The following MRTFA variants were observed in gnomAD, a reference collection of about 807,000 sequenced individuals.
The protein encoded by MRTFA is myocardin related transcription factor A, also known as myocardin-related transcription factor A.
A neutral mutation model predicts 83.5 loss-of-function variants in MRTFA; 20 were observed. The observed-to-expected ratio is 0.24, with a 90% confidence interval of 0.17 to 0.35. The LOEUF is 0.35. MRTFA is among the 10% of genes least tolerant of loss of function. MRTFA has a pLI of 1.00. For synonymous variants in MRTFA, 659 were observed against 541.2 expected (o/e 1.22, Z -3.02); for missense variants, 1,200 against 1,224.7 (o/e 0.98, Z 0.30).
In MRTFA at chr22:40,419,317, A is replaced by G. The variant is rs1224427174; in HGVS notation, c.1421T>C (p.Ile474Thr). The G allele has an allele frequency of 2.5e-6, 4 of 1,613,870 alleles. No homozygotes were observed. The highest frequency in any genetic ancestry group is 2.2e-5 in the East Asian group (1 of 44,876). The change falls in exon 12 of 15, where the codon ATT becomes ACT. Residue 474 changes from isoleucine to threonine, a missense_variant. This residue lies in a region of MRTFA where 1,107 missense variants were observed against 1,041.8 expected (regional missense o/e 1.06). Coordinates refer to ENST00000355630, the MANE Select transcript of MRTFA (RefSeq NM_020831.6). ...GTCTTGATAGGCTCGAAGGCGCTCAATCAGCTCAGTTTTGGTGCCCGAGAC... is the reference window on the plus strand; with the variant it reads ...GTCTTGATAGGCTCGAAGGCGCTCAGTCAGCTCAGTTTTGGTGCCCGAGAC...
intron 2 of MRTFA, among the ~76,000 whole-genome samples, chr22:40,570,111 CCT>C (rs1215656470): frequency 1.3e-5 from 2 of 152,060 alleles, no homozygotes; most frequent in East Asian, 1.9e-4. Flanking sequence ...TGCCCAATAT[CCT>C]CTCTCACTCC....
chr22:40,460,697 T>C (rs796400820), intron 4 of MRTFA, among the ~76,000 whole-genome samples: 3 of 152,078 alleles, frequency 2.0e-5, no homozygotes, highest in African/African-American at 7.2e-5. Context: ...AGGTTTGGAG[T>C]GTATTGTAAA....
chr22:40,636,653 C>T lies in MRTFA; in HGVS notation c.-259G>A, dbSNP rs946271593. ...GGGTGGGAAAGATGGGACCGTCGCT[C>T]TCGCCGCCGCGGCCACCACAGACAC... On this transcript the variant is annotated 5_prime_UTR_variant, in exon 1 of 15. Coordinates refer to ENST00000355630, the MANE Select transcript of MRTFA (RefSeq NM_020831.6). The T allele has an allele frequency of 6.6e-6, 1 of 152,412 alleles. No homozygotes were observed. Among genetic ancestry groups the T allele is most frequent in the Non-Finnish European group, 1.5e-5 (1 of 68,170 alleles). The allele number at this position is 152,412 out of a possible 1,614,324, so 9.4% of individuals were successfully genotyped here.
At chr22:40,484,696 T>A (rs1351664849) in intron 3 of MRTFA, among the ~76,000 whole-genome samples, 1 of 152,122 alleles carries the variant, frequency 6.6e-6, no homozygotes, top group Non-Finnish European at 1.5e-5. Flanking sequence ...CAGAAACAAT[T>A]TCCATATATT....
chr22:40,455,645 C>CAA (rs55723146), intron 4 of MRTFA, among the ~76,000 whole-genome samples: 4 of 77,574 alleles, frequency 5.2e-5, no homozygotes, highest in Non-Finnish European at 7.2e-5. Context: ...GATGCAGTCT[C>CAA]AAAAAAAAAA....
chr22:40,530,173 T>C (rs1057283525), intron 3 of MRTFA, among the ~76,000 whole-genome samples: 3 of 152,328 alleles, frequency 2.0e-5, no homozygotes, highest in Non-Finnish European at 4.4e-5. Flanking sequence ...CCTTACACAT[T>C]AGCTGTCAAG....
chr22:40,465,155 C>A (rs1569280865), intron 3 of MRTFA, among the ~76,000 whole-genome samples: 1 of 152,198 alleles, frequency 6.6e-6, no homozygotes, highest in African/African-American at 2.4e-5. Context: ...TGTGAGCTAC[C>A]TTTTATATGT....
At chr22:40,587,018 CT>C in intron 2 of MRTFA, 1 of 478,928 alleles carries the variant, frequency 2.1e-6, no homozygotes, top group Non-Finnish European at 4.3e-6. Flanking sequence ...AGAGCATGGT[CT>C]TTGCATATGG....
intron 2 of MRTFA, among the ~76,000 whole-genome samples, chr22:40,593,784 A>T (rs2147382315): frequency 6.6e-6 from 1 of 152,012 alleles, no homozygotes; most frequent in Non-Finnish European, 1.5e-5. Context: ...GTCCAGACTG[A>T]CATCAACCCA....
At chr22:40,461,780 C>T (rs1008391893) in intron 4 of MRTFA, among the ~76,000 whole-genome samples, 1 of 151,998 alleles carries the variant, frequency 6.6e-6, no homozygotes, top group African/African-American at 2.4e-5. Flanking sequence ...GCCTGGGCAA[C>T]AGAGCAAGAC....
At chr22:40,461,576 A>G (rs2053712897) in intron 4 of MRTFA, among the ~76,000 whole-genome samples, 1 of 150,096 alleles carries the variant, frequency 6.7e-6, no homozygotes, top group African/African-American at 2.5e-5. Flanking sequence ...CGAGGCCAAG[A>G]GATCGAGACC....
intron 1 of MRTFA, among the ~76,000 whole-genome samples, chr22:40,611,792 T>C (rs1244095876): frequency 6.6e-6 from 1 of 152,164 alleles, no homozygotes; most frequent in Non-Finnish European, 1.5e-5. Context: ...TTCATGAAGA[T>C]GGTACACAGC....
In MRTFA at chr22:40,429,719, C is replaced by A. The variant is rs2053029342; in HGVS notation, c.488G>T (p.Arg163Ile). 6.2e-7 allele frequency: 1 copy of A among 1,613,956 alleles called. No homozygotes were observed. The highest frequency in any genetic ancestry group is 1.3e-5 in the African/African-American group (1 of 74,904). The change falls in exon 7 of 15, where the codon AGA becomes ATA. Residue 163 changes from arginine to isoleucine, a missense_variant. Arg to Ile is a moderately conservative substitution (Grantham distance 97). Around this residue, in one of 2 missense-constraint regions of MRTFA, gnomAD observed 93 missense variants for 182.9 expected, o/e 0.51. Transcript: ENST00000355630. ...ATTGAGGTCATCGGCTAGTCTGGCT[C>A]TCTTCAGCTTCAGCTGCTTGGCCTG... is the stretch of plus-strand genomic sequence containing the variant.
At chr22:40,628,715 T>C (rs1419817829) in intron 1 of MRTFA, among the ~76,000 whole-genome samples, 4 of 152,212 alleles carry the variant, frequency 2.6e-5, no homozygotes, top group Non-Finnish European at 4.4e-5. Context: ...AGATCTTCTA[T>C]TACTGCTATA....
At chr22:40,551,092 C>T (rs1341557745) in intron 3 of MRTFA, among the ~76,000 whole-genome samples, 3 of 151,892 alleles carry the variant, frequency 2.0e-5, no homozygotes, top group Non-Finnish European at 4.4e-5. Flanking sequence ...CTCAGGGATC[C>T]GCCCGCCTCG....
chr22:40,546,808 C>T (rs754299476), intron 3 of MRTFA, among the ~76,000 whole-genome samples: 1 of 152,208 alleles, frequency 6.6e-6, no homozygotes, highest in Non-Finnish European at 1.5e-5. Context: ...ACTGAGAAAA[C>T]AGAGTTCTTA....
At chr22:40,413,310 A>C (rs894304516) in intron 14 of MRTFA, among the ~76,000 whole-genome samples, 6 of 151,734 alleles carry the variant, frequency 4.0e-5, no homozygotes, top group African/African-American at 1.2e-4. Context: ...ACAACAACAA[A>C]AAAAGGTAAA....
intron 14 of MRTFA, among the ~76,000 whole-genome samples, chr22:40,413,093 C>T (rs1283479328): frequency 7.3e-6 from 1 of 136,332 alleles, no homozygotes; most frequent in Non-Finnish European, 1.5e-5. Context: ...GCCAAGATTG[C>T]ACCACTGCAC....
chr22:40,512,373 T>C (rs1354658999), intron 3 of MRTFA, among the ~76,000 whole-genome samples: 2 of 152,198 alleles, frequency 1.3e-5, no homozygotes, highest in Non-Finnish European at 2.9e-5. Context: ...ATTTTGGTAA[T>C]ATAAAGAAGA....
Sources: gnomAD v4.1 joint callset for allele counts (sites outside exome capture counted in the v4.1 genomes callset) on GRCh38, gnomAD v4.1.1 for gene constraint, gnomAD v4.1.1 regional missense constraint, MANE v1.5 for transcripts, NCBI Gene and HGNC (gene_info 2026-07-23, HGNC 2026-07-21) for gene names.